Variants in MEGF11 observed in about 807,000 individuals in gnomAD.
MEGF11 encodes the protein multiple EGF like domains 11, also known as multiple epidermal growth factor-like domains protein 11.
A neutral mutation model predicts 146.6 loss-of-function variants in MEGF11; 126 were observed. That is an observed-to-expected ratio of 0.86 (90% CI 0.74 to 1.00). The LOEUF (loss-of-function observed/expected upper bound fraction) is 1.00. Among genes scored for constraint, MEGF11 ranks in the 50% least tolerant of loss-of-function variants. MEGF11 has a pLI of 0.00. For missense variants in MEGF11, 1,509 were observed against 1,521.2 expected (o/e 0.99, Z 0.13); for synonymous variants, 532 against 583.4 (o/e 0.91, Z 1.27).
At chr15:66,154,030 C>T (rs2089661248) in intron 1 of MEGF11, among the ~76,000 whole-genome samples, 1 of 152,210 alleles carries the variant, frequency 6.6e-6, no homozygotes, top group Admixed American at 6.5e-5. Context: ...CATGGCCACC[C>T]TTGCAGCTGG....
chr15:66,072,401 C>G (rs1157697861), intron 5 of MEGF11, among the ~76,000 whole-genome samples: 1 of 152,100 alleles, frequency 6.6e-6, no homozygotes, highest in Non-Finnish European at 1.5e-5. Flanking sequence ...ACCCATCACG[C>G]CCTTTTATTT....
chr15:66,212,219 C>T (rs577095190), intron 1 of MEGF11, among the ~76,000 whole-genome samples: 7 of 152,184 alleles, frequency 4.6e-5, no homozygotes, highest in African/African-American at 1.4e-4. Flanking sequence ...GGACGGGTGT[C>T]AGGGAGCAAG....
At chr15:66,124,131 C>A in intron 2 of MEGF11, 131 bp from the exon 3 acceptor site, 2 of 701,708 alleles carry the variant, frequency 2.9e-6, no homozygotes, top group Non-Finnish European at 5.0e-6. Flanking sequence ...CTGACCTCCC[C>A]CCTCCCAACT....
chr15:66,058,157 A>G (rs2084755518), intron 5 of MEGF11, among the ~76,000 whole-genome samples: 1 of 152,176 alleles, frequency 6.6e-6, no homozygotes, highest in African/African-American at 2.4e-5. Context: ...GGGCTCACAG[A>G]TGGAAGCCGG....
chr15:65,993,106 C>A (rs2082104524), intron 5 of MEGF11, among the ~76,000 whole-genome samples: 1 of 152,226 alleles, frequency 6.6e-6, no homozygotes, highest in African/African-American at 2.4e-5. Flanking sequence ...GCGCTCCCGG[C>A]AGGAGCACCC....
chr15:65,938,836 G>A (rs2079878680), intron 10 of MEGF11, among the ~76,000 whole-genome samples: 1 of 152,170 alleles, frequency 6.6e-6, no homozygotes, highest in Non-Finnish European at 1.5e-5. Flanking sequence ...AGACCCCGGT[G>A]GGTAATGAGT....
chr15:66,218,842 C>G (rs927653709), intron 1 of MEGF11, among the ~76,000 whole-genome samples: 1 of 152,004 alleles, frequency 6.6e-6, no homozygotes, highest in Non-Finnish European at 1.5e-5. Context: ...CCCTCAGCTT[C>G]CCTGGGTTTC....
chr15:66,043,303 T>A (rs1423268801), intron 5 of MEGF11, among the ~76,000 whole-genome samples: 1 of 152,200 alleles, frequency 6.6e-6, no homozygotes, highest in Non-Finnish European at 1.5e-5. Flanking sequence ...GCTGACCAGC[T>A]CTGTGGGTCC....
At position 65,982,826 on chromosome 15, in the gene MEGF11, C is replaced by T. The variant is rs1396402056; in HGVS notation, c.395-338G>A. Among the ~76,000 whole-genome samples, 1 of 152,172 alleles carries T rather than the reference C, an allele frequency of 6.6e-6. No homozygotes were observed. On this transcript the variant is annotated intron_variant, in intron 5 of 25. Coordinates refer to ENST00000395614, the MANE Select transcript of MEGF11 (RefSeq NM_001385028.1). This position sits in a 1 kb window ranked among gnomAD's most constrained non-coding sequence, Gnocchi z 5.6. ...TTCCGGAGCCACAAGCTGTTTACAT[C>T]CCTCTTTGCTAAGCTCTTGGTTGGC...
At chr15:66,079,198 C>T (rs1269709653) in intron 5 of MEGF11, among the ~76,000 whole-genome samples, 2 of 152,156 alleles carry the variant, frequency 1.3e-5, no homozygotes, top group East Asian at 3.9e-4. Context: ...TGCCTTCCTG[C>T]CTGTGAATTT....
chr15:66,152,853 C>A (rs946211189), intron 1 of MEGF11, among the ~76,000 whole-genome samples: 1 of 152,220 alleles, frequency 6.6e-6, no homozygotes, highest in African/African-American at 2.4e-5. Context: ...GCCCCAGGAC[C>A]GGGCATGGGA....
intron 7 of MEGF11, among the ~76,000 whole-genome samples, chr15:65,978,641 C>T (rs1567186548): frequency 6.6e-6 from 1 of 152,234 alleles, no homozygotes; most frequent in East Asian, 1.9e-4. Flanking sequence ...CCTGATCCAA[C>T]CTTTCTGCTG....
chr15:65,963,862 C>T (rs528822374), intron 9 of MEGF11, among the ~76,000 whole-genome samples: 1 of 152,270 alleles, frequency 6.6e-6, no homozygotes, highest in Admixed American at 6.5e-5. Context: ...GAACGAGGCT[C>T]CAGAGTGATT....
intron 9 of MEGF11, among the ~76,000 whole-genome samples, chr15:65,962,673 T>C (rs1365431161): frequency 6.6e-6 from 1 of 152,092 alleles, no homozygotes; most frequent in Non-Finnish European, 1.5e-5. Flanking sequence ...GGATGGGCTG[T>C]TTAAGATGAG....
chr15:66,167,875 G>A (rs966833398), intron 1 of MEGF11, among the ~76,000 whole-genome samples: 4 of 152,180 alleles, frequency 2.6e-5, no homozygotes, highest in African/African-American at 9.7e-5. Flanking sequence ...GGGGGAAGGG[G>A]CAGCAGCTCT....
intron 5 of MEGF11, among the ~76,000 whole-genome samples, chr15:66,064,811 G>A (rs1456793779): frequency 6.6e-6 from 1 of 152,086 alleles, no homozygotes; most frequent in Non-Finnish European, 1.5e-5. Flanking sequence ...TTACAGGCAT[G>A]AGCCACCACT....
intron 1 of MEGF11, among the ~76,000 whole-genome samples, chr15:66,129,270 C>T (rs1422339361): frequency 6.6e-6 from 1 of 152,226 alleles, no homozygotes; most frequent in Non-Finnish European, 1.5e-5. Flanking sequence ...CACTCCAGGA[C>T]TCTGTGGTCC....
At chr15:66,041,523 GTT>G (rs1296768633) in intron 5 of MEGF11, among the ~76,000 whole-genome samples, 1 of 152,240 alleles carries the variant, frequency 6.6e-6, no homozygotes, top group Non-Finnish European at 1.5e-5. Context: ...CCGATGTACT[GTT>G]CAAAGGTTGG....
chr15:65,916,560 G>C (rs913676615), intron 17 of MEGF11: 18 of 688,514 alleles, frequency 2.6e-5, no homozygotes, highest in Non-Finnish European at 4.5e-5. Flanking sequence ...GGGCCCCACT[G>C]TCCAAGGAAG....
Sources: allele counts gnomAD v4.1 joint callset (sites outside exome capture counted in the v4.1 genomes callset), GRCh38; gene constraint gnomAD v4.1.1; non-coding constraint Gnocchi (gnomAD v3.1); transcripts MANE v1.5; gene names NCBI Gene and HGNC (gene_info 2026-07-23, HGNC 2026-07-21).